PCDHA3: variants seen among roughly 807,000 people sequenced by gnomAD.
PCDHA3 encodes the protein protocadherin alpha-3.
PCDHA3 carries 41 observed loss-of-function variants against 62.2 expected under a neutral mutation model. The ratio of observed to expected loss-of-function variants is 0.66; its 90% CI spans 0.51 to 0.86. PCDHA3 has a LOEUF of 0.86. PCDHA3 is among the 40% of genes least tolerant of loss of function. The pLI is 0.00. For missense variants in PCDHA3, 1,304 were observed against 1,241.2 expected (o/e 1.05, Z -0.76); for synonymous variants, 640 against 555.4 (o/e 1.15, Z -2.14).
intron 1 of PCDHA3, chr5:140,967,752 C>T: frequency 1.2e-6 from 2 of 1,614,194 alleles, no homozygotes; most frequent in Middle Eastern, 1.6e-4. Context: ...GAGGAAGCCT[C>T]CTCCTACCAG....
intron 1 of PCDHA3, chr5:140,927,991 G>T: frequency 6.2e-7 from 1 of 1,614,202 alleles, no homozygotes; most frequent in Non-Finnish European, 8.5e-7. Flanking sequence ...TGTAAAGGAT[G>T]AAGACCTCGA....
chr5:140,836,662 C>CTTGGG, intron 1 of PCDHA3: 1 of 1,613,452 alleles, frequency 6.2e-7, no homozygotes. Flanking sequence ...AGGGTGTGCT[C>CTTGGG]TGGGGAGGGC....
chr5:140,978,661 T>A (rs1035787381), intron 1 of PCDHA3, among the ~76,000 whole-genome samples: 15 of 152,246 alleles, frequency 9.9e-5, no homozygotes, highest in Admixed American at 9.8e-4. Context: ...CCGTAGTGTT[T>A]TAAGAACACA....
intron 1 of PCDHA3, among the ~76,000 whole-genome samples, chr5:140,898,020 AC>A (rs1483113036): frequency 6.6e-6 from 1 of 152,078 alleles, no homozygotes; most frequent in Non-Finnish European, 1.5e-5. Flanking sequence ...TCCTTTGCCC[AC>A]TTTTTGATGG....
At chr5:140,926,923 T>G in intron 1 of PCDHA3, 1 of 1,571,554 alleles carries the variant, frequency 6.4e-7, no homozygotes. Flanking sequence ...AGTTTTATGT[T>G]TGTGGGTTTC....
intron 1 of PCDHA3, among the ~76,000 whole-genome samples, chr5:140,954,919 C>T (rs246021): frequency 4.6e-5 from 7 of 151,890 alleles, no homozygotes; most frequent in African/African-American, 1.7e-4. Flanking sequence ...TTATGAATTA[C>T]GTCTTTAATT....
At chr5:140,834,597 G>A (rs1554134361) in intron 1 of PCDHA3, 1 of 1,614,130 alleles carries the variant, frequency 6.2e-7, no homozygotes, top group African/African-American at 1.3e-5. Flanking sequence ...CAAATTCCGT[G>A]GGGATCTTCT....
At chr5:140,957,548 T>C (rs1554223015) in intron 1 of PCDHA3, among the ~76,000 whole-genome samples, 1 of 152,154 alleles carries the variant, frequency 6.6e-6, no homozygotes, top group Non-Finnish European at 1.5e-5. Flanking sequence ...GAAAGTATTC[T>C]CTGTGGAAAA....
intron 1 of PCDHA3, among the ~76,000 whole-genome samples, chr5:140,921,566 T>C (rs775027482): frequency 4.6e-5 from 7 of 152,304 alleles, no homozygotes; most frequent in Middle Eastern, 3.4e-3. Flanking sequence ...TATTATGTTA[T>C]AGTAGAGCTC....
intron 1 of PCDHA3, among the ~76,000 whole-genome samples, chr5:140,920,583 C>T (rs1287573835): frequency 1.3e-5 from 2 of 152,106 alleles, no homozygotes; most frequent in African/African-American, 4.8e-5. Flanking sequence ...CAGTGGCTCA[C>T]GCCTGTAATC....
At chr5:140,803,842 A>T in intron 1 of PCDHA3, 1 of 602,420 alleles carries the variant, frequency 1.7e-6, no homozygotes, top group African/African-American at 1.9e-5. Flanking sequence ...GAATTATTTT[A>T]TTGCTAAATG....
At chr5:140,808,478 G>A (rs782669465) in intron 1 of PCDHA3, 1 of 1,614,180 alleles carries the variant, frequency 6.2e-7, no homozygotes, top group South Asian at 1.1e-5. Context: ...GCGAGACGGG[G>A]GCTCGCCTTC....
intron 1 of PCDHA3, chr5:140,807,084 G>A: frequency 7.7e-7 from 1 of 1,306,526 alleles, no homozygotes; most frequent in Non-Finnish European, 1.1e-6. Context: ...ACTCTTTGGA[G>A]TCTGAAATAT....
At chr5:140,812,028 T>G (rs1340307203) in intron 1 of PCDHA3, 1 of 148,898 alleles carries the variant, frequency 6.7e-6, no homozygotes, top group Non-Finnish European at 1.5e-5. Flanking sequence ...TTAAAATGAG[T>G]TTGGAAGTGT....
intron 1 of PCDHA3, among the ~76,000 whole-genome samples, chr5:140,874,852 A>C (rs2153316930): frequency 6.6e-6 from 1 of 152,334 alleles, no homozygotes; most frequent in African/African-American, 2.4e-5. Context: ...GACATATTTT[A>C]GTTTCTTATC....
Position 140,843,706 on chromosome 5 carries a change from T to C in PCDHA3, c.2394+40115T>C, listed in dbSNP as rs147955219. 3.2e-6 allele frequency: 5 copies of C among 1,580,440 alleles called. No homozygotes were observed. In the East Asian group the frequency reaches 1.1e-4, roughly 35 times the overall value. On this transcript the variant is annotated intron_variant, in intron 1 of 3. Transcript: ENST00000522353. ...AAGAGCAAGATTTAAATGTTGATCA[T>C]GGCCTCAAAGTAAGTCCATTTAAAT...
At chr5:141,004,564 T>C (rs1205705593) in intron 3 of PCDHA3, among the ~76,000 whole-genome samples, 1 of 152,196 alleles carries the variant, frequency 6.6e-6, no homozygotes, top group Non-Finnish European at 1.5e-5. Flanking sequence ...AAGATGAACA[T>C]ATCTCTGTGT....
chr5:140,861,121 A>G (rs556416106), intron 1 of PCDHA3: 3 of 153,482 alleles, frequency 2.0e-5, no homozygotes, highest in African/African-American at 7.2e-5. Flanking sequence ...ACAAACACCC[A>G]TTAAGACCAC....
Position 140,802,435 on chromosome 5 carries a change from T to TG in PCDHA3, c.1240dup (p.Asp414GlyfsTer9). ...TACTCATTGGTGCTGGACAGCCCTC[T>TG]GGACCGCGAGAGCGTGTCGGCCTAT... On this transcript the variant is annotated frameshift_variant, in exon 1 of 4. Transcript: ENST00000522353. LOFTEE classifies it high-confidence loss of function. 6.2e-7 allele frequency: 1 copy of TG among 1,614,234 alleles called. No individual in the cohort carries two copies. Among genetic ancestry groups the TG allele is most frequent in the Non-Finnish European group, 8.5e-7 (1 of 1,180,040 alleles).
Sources: allele counts gnomAD v4.1 joint callset (sites outside exome capture counted in the v4.1 genomes callset), GRCh38; gene constraint gnomAD v4.1.1; transcripts MANE v1.5; gene names NCBI Gene and HGNC (gene_info 2026-07-23, HGNC 2026-07-21).